The following SLC24A2 variants were observed in gnomAD, a reference collection of about 807,000 sequenced individuals.
SLC24A2 encodes sodium/potassium/calcium exchanger 2.
In SLC24A2, 36 loss-of-function variants were observed where a neutral mutation model predicts 62.0. That is an observed-to-expected ratio of 0.58 (90% CI 0.44 to 0.77). The LOEUF is 0.77. Ranked by LOEUF, SLC24A2 falls within the 30% of genes least tolerant of loss-of-function variation. The probability of loss-of-function intolerance (pLI) is 0.00; values close to 1 mark genes in which losing one functional copy is unlikely to be tolerated. For synonymous variants in SLC24A2, 358 were observed against 294.0 expected (o/e 1.22, Z -2.23); for missense variants, 846 against 817.9 (o/e 1.03, Z -0.42).
At chr9:19,862,664 G>A in the SLC24A2 span, among the ~76,000 whole-genome samples, 1 of 151,918 alleles carries the variant, frequency 6.6e-6, no homozygotes, top group Non-Finnish European at 1.5e-5. Flanking sequence ...GGTATAAACA[G>A]TAACAACAAA....
intron 2 of SLC24A2, among the ~76,000 whole-genome samples, chr9:19,784,547 G>A (rs1473471663): frequency 1.3e-5 from 2 of 152,110 alleles, no homozygotes; most frequent in South Asian, 2.1e-4. Flanking sequence ...ACTTTAATTG[G>A]AATAAACACA....
the SLC24A2 span, among the ~76,000 whole-genome samples, chr9:20,170,153 T>C: frequency 4.7e-5 from 7 of 150,244 alleles, no homozygotes; most frequent in Admixed American, 4.0e-4. Context: ...AAAAAAAGAA[T>C]AAGAAGACAT....
chr9:20,257,502 CT>C, the SLC24A2 span, among the ~76,000 whole-genome samples: 1 of 141,120 alleles, frequency 7.1e-6, no homozygotes, highest in African/African-American at 2.6e-5. Context: ...GGTGTTAGGA[CT>C]GGTGTTAGGA....
Position 19,510,522 on chromosome 9 carries a change from G to C in SLC24A2, c.*5631C>G, listed in dbSNP as rs1212809529. 1.3e-5 allele frequency: 2 copies of C among 151,448 alleles called. No individual in the cohort carries two copies. Among genetic ancestry groups the C allele is most frequent in the Non-Finnish European group, 2.9e-5 (2 of 67,918 alleles). The allele number at this position is 151,448 out of a possible 1,614,324, so 9.4% of individuals were successfully genotyped here. On this transcript the variant is annotated 3_prime_UTR_variant, in exon 11 of 11. Transcript: ENST00000341998. ...GAGGGAGGCTTTTCTTGATGCTGATGGTTGTTAATCATTGAGCTGGGTCAC... is the reference window on the plus strand; with the variant it reads ...GAGGGAGGCTTTTCTTGATGCTGATCGTTGTTAATCATTGAGCTGGGTCAC...
At chr9:20,268,235 A>C in the SLC24A2 span, among the ~76,000 whole-genome samples, 13 of 152,186 alleles carry the variant, frequency 8.5e-5, no homozygotes, top group African/African-American at 3.1e-4. Context: ...AGCAGAGGAG[A>C]GGGCGCTCCC....
the SLC24A2 span, among the ~76,000 whole-genome samples, chr9:20,234,016 G>T: frequency 6.6e-6 from 1 of 152,180 alleles, no homozygotes; most frequent in Non-Finnish European, 1.5e-5. Context: ...GAAATTCTGG[G>T]TTGAAAATTA....
At chr9:20,215,602 A>G in the SLC24A2 span, among the ~76,000 whole-genome samples, 1 of 152,168 alleles carries the variant, frequency 6.6e-6, no homozygotes, top group African/African-American at 2.4e-5. Flanking sequence ...GACTTCTTAT[A>G]TACACTTACC....
the SLC24A2 span, among the ~76,000 whole-genome samples, chr9:20,279,370 A>G: frequency 6.6e-6 from 1 of 152,082 alleles, no homozygotes; most frequent in African/African-American, 2.4e-5. Flanking sequence ...ATCTCTACTA[A>G]AAACACAAAA....
chr9:19,831,220 G>A, the SLC24A2 span, among the ~76,000 whole-genome samples: 3 of 152,150 alleles, frequency 2.0e-5, no homozygotes, highest in African/African-American at 4.8e-5. Context: ...TCCAAGCATA[G>A]CACTGACTGT....
chr9:19,708,614 C>T (rs1196340880), intron 2 of SLC24A2, among the ~76,000 whole-genome samples: 1 of 152,164 alleles, frequency 6.6e-6, no homozygotes, highest in Non-Finnish European at 1.5e-5. Context: ...TATCTACAAC[C>T]ATCTGATTTT....
chr9:19,810,989 A>C, the SLC24A2 span, among the ~76,000 whole-genome samples: 2 of 46,646 alleles, frequency 4.3e-5, no homozygotes, highest in African/African-American at 8.8e-5. Context: ...AACCTCTTTC[A>C]CTCCGCAGTG....
At chr9:19,645,644 C>T (rs1335307014) in intron 2 of SLC24A2, among the ~76,000 whole-genome samples, 1 of 152,054 alleles carries the variant, frequency 6.6e-6, no homozygotes, top group African/African-American at 2.4e-5. Flanking sequence ...AAGTACAGAG[C>T]GGCATGGGGG....
In SLC24A2 at chr9:19,514,104, G is replaced by C. The variant is rs1832838958; in HGVS notation, c.*2049C>G. The C allele has an allele frequency of 6.6e-6, 1 of 152,142 alleles. No homozygotes were observed. Among genetic ancestry groups the C allele is most frequent in the African/African-American group, 2.4e-5 (1 of 41,410 alleles). 9.4% of individuals were successfully genotyped at this position (152,142 alleles called of 1,614,324 possible). ...TTTCTTGTTTTCCCAGGGGGCCTCG[G>C]GTTTGAAGTGCTTTTTACTTCTGGG... is the stretch of plus-strand genomic sequence containing the variant. On this transcript the variant is annotated 3_prime_UTR_variant, in exon 11 of 11. Coordinates refer to ENST00000341998, the MANE Select transcript of SLC24A2 (RefSeq NM_020344.4).
the SLC24A2 span, among the ~76,000 whole-genome samples, chr9:19,856,216 T>C: frequency 1.3e-5 from 2 of 152,222 alleles, no homozygotes; most frequent in Admixed American, 6.5e-5. Flanking sequence ...CTTCTTTGCA[T>C]TGGGTTAAAA....
the SLC24A2 span, among the ~76,000 whole-genome samples, chr9:20,059,200 G>A: frequency 6.6e-6 from 1 of 152,160 alleles, no homozygotes; most frequent in Non-Finnish European, 1.5e-5. Flanking sequence ...AGCTTGGCGA[G>A]TGTATTCACA....
rs112817710 is a variant in SLC24A2 at position 19,521,333 on chromosome 9, G to A, written c.1570-273C>T. The stretch of plus-strand genomic sequence containing the variant: ...GGCTAGAGTGTAGCCTTTATATGGT[G>A]CTTTCTAAGATTGAGTCAGGGAAGC... On this transcript the variant is annotated intron_variant, in intron 9 of 10. Coordinates refer to ENST00000341998, the MANE Select transcript of SLC24A2 (RefSeq NM_020344.4). Among the ~76,000 whole-genome samples the A allele has an allele frequency of 2.4e-3, 361 of 152,318 alleles. 2 individuals carry two copies. The highest frequency in any genetic ancestry group is 8.1e-3 in the African/African-American group (338 of 41,574).
rs1225601892 is a variant in SLC24A2 at position 19,674,544 on chromosome 9, G to GTTAACAAAATCCCAAA, written c.931-52246_931-52245insTTTGGGATTTTGTTAA. ...TAACATAATCCCAAACTTCTTGGAG[G>GTTAACAAAATCCCAAA]CTTTGTTCATTTTTTTAAAAAATTC... is the stretch of plus-strand genomic sequence containing the variant. On this transcript the variant is annotated intron_variant, in intron 2 of 10. Transcript: ENST00000341998. Among the ~76,000 whole-genome samples the GTTAACAAAATCCCAAA allele has an allele frequency of 5.9e-5, 9 of 152,236 alleles. 1 individual carries two copies. The South Asian group carries it at 1.9e-3, about 32-fold the overall frequency.
the SLC24A2 span, among the ~76,000 whole-genome samples, chr9:20,036,855 T>A: frequency 3.3e-5 from 5 of 151,874 alleles, no homozygotes; most frequent in Admixed American, 2.6e-4. Context: ...TATGTGTGTG[T>A]GTATATACAT....
At chr9:20,023,420 T>C in the SLC24A2 span, among the ~76,000 whole-genome samples, 2 of 152,154 alleles carry the variant, frequency 1.3e-5, no homozygotes, top group Admixed American at 6.5e-5. Context: ...GCAGGCTTGG[T>C]TACTGTTAAT....
Sources: gnomAD v4.1 joint callset for allele counts (sites outside exome capture counted in the v4.1 genomes callset) on GRCh38, gnomAD v4.1.1 for gene constraint, MANE v1.5 for transcripts, NCBI Gene and HGNC (gene_info 2026-07-23, HGNC 2026-07-21) for gene names.